The following DMBT1 variants were observed in gnomAD, a reference collection of about 807,000 sequenced individuals.
DMBT1 encodes the protein scavenger receptor cysteine-rich domain-containing protein DMBT1.
A neutral mutation model predicts 252.9 loss-of-function variants in DMBT1; 198 were observed. The observed-to-expected ratio is 0.78, with a 90% CI of 0.70 to 0.88. The LOEUF (loss-of-function observed/expected upper bound fraction) is 0.88. DMBT1 is among the 40% of genes least tolerant of loss of function. DMBT1 has a pLI of 0.00. For synonymous variants in DMBT1, 990 were observed against 942.7 expected, an observed-to-expected ratio of 1.05 and a Z score of -0.92; for missense variants, 2,432 against 2,404.7, an observed-to-expected ratio of 1.01 and a Z score of -0.24.
chr10:122,575,731 C>G (rs180921576), intron 6 of DMBT1, among the ~76,000 whole-genome samples: 49 of 152,322 alleles, frequency 3.2e-4, no homozygotes, highest in Non-Finnish European at 5.7e-4. Flanking sequence ...TGTGAGTACA[C>G]AGTGACCTTC....
At chr10:122,573,973 C>T (rs760074122) in intron 6 of DMBT1, among the ~76,000 whole-genome samples, 10 of 152,156 alleles carry the variant, frequency 6.6e-5, no homozygotes, top group Non-Finnish European at 1.3e-4. Context: ...GACGCGTCTC[C>T]AAGGAGTTCT....
In DMBT1 at chr10:122,572,339, C is replaced by T. The variant is rs368952924; in HGVS notation, c.213C>T (p.Thr71=). 3.7e-6 allele frequency: 6 copies of T among 1,613,000 alleles called. No homozygotes were observed. In the African/African-American group the frequency reaches 8.0e-5, roughly 22 times the overall value. ...AEGSPISLES[T]LESTVAEGSL... ...GTTCTCCGATTTCCTTGGAGTCAAC[C>T]CTGGAGTCAACCGTAGCAGAAGGTA... The change falls in exon 5 of 56, where the codon ACC becomes ACT. Residue 71 remains threonine (T), a synonymous_variant. Coordinates refer to ENST00000338354, the MANE Select transcript of DMBT1 (RefSeq NM_001377530.1).
intron 2 of DMBT1, among the ~76,000 whole-genome samples, chr10:122,566,340 T>G: frequency 1.7e-5 from 1 of 57,356 alleles, no homozygotes; most frequent in Admixed American, 2.4e-4. Context: ...TGAGATGGAG[T>G]CTTGCTCTGT....
chr10:122,599,012 C>G lies in DMBT1; in HGVS notation c.3195C>G (p.His1065Gln), dbSNP rs572813390. The stretch of plus-strand genomic sequence containing the variant: ...TGGATGATGTGCGCTGCTCAGGACA[C>G]GAGTCTTACCTGTGGAGCTGCCCCC... The part of the protein sequence containing the change: ...IVLDDVRCSG[H>Q]ESYLWSCPHN... Residue 1065 changes from histidine to glutamine, a missense_variant, in exon 26 of 56, where the codon CAC becomes CAG. Transcript: ENST00000338354. The G allele has an allele frequency of 1.4e-5, 23 of 1,613,786 alleles. No homozygotes were observed. In the South Asian group the frequency reaches 2.3e-4, roughly 16 times the overall value.
intron 26 of DMBT1, among the ~76,000 whole-genome samples, chr10:122,599,766 C>T (rs544153003): frequency 6.6e-6 from 1 of 152,296 alleles, no homozygotes; most frequent in South Asian, 2.1e-4. Flanking sequence ...GTGGCTTCCT[C>T]AGCCTTGCTG....
At chr10:122,585,705 A>C (rs1372782152) in intron 15 of DMBT1, among the ~76,000 whole-genome samples, 1 of 148,668 alleles carries the variant, frequency 6.7e-6, no homozygotes, top group Non-Finnish European at 1.5e-5. Flanking sequence ...TGAAATTTTC[A>C]GAAGCCAGAC....
chr10:122,577,294 G>A (rs1357610836), intron 7 of DMBT1, among the ~76,000 whole-genome samples: 1 of 152,166 alleles, frequency 6.6e-6, no homozygotes, highest in Non-Finnish European at 1.5e-5. Flanking sequence ...CCAGAGGGAA[G>A]GATGCAATTG....
At position 122,618,010 on chromosome 10, in the gene DMBT1, C is replaced by A; in HGVS notation, c.4892-7C>A. 1 of 1,612,276 alleles carries A rather than the reference C, an allele frequency of 6.2e-7. No individual in the cohort carries two copies. Among genetic ancestry groups the A allele is most frequent in the Non-Finnish European group, 8.5e-7 (1 of 1,179,716 alleles). On this transcript the variant is annotated splice_region_variant and splice_polypyrimidine_tract_variant and intron_variant, in intron 40 of 55. Transcript: ENST00000338354. Reference sequence around the variant, plus strand: ...GATGGATGAAGGGTTCTTGTGTTCCCCTGTAGGATCTGAATCCACTTTGGC... The same window carrying A: ...GATGGATGAAGGGTTCTTGTGTTCCACTGTAGGATCTGAATCCACTTTGGC...
intron 7 of DMBT1, 67 bp from the exon 8 acceptor site, chr10:122,577,744 T>C: frequency 6.3e-7 from 1 of 1,591,170 alleles, no homozygotes; most frequent in Non-Finnish European, 8.6e-7. Context: ...CCCAAGTCAC[T>C]TCAGCCTTAA....
At chr10:122,638,510 T>G (rs563615832) in intron 54 of DMBT1, among the ~76,000 whole-genome samples, 1 of 152,220 alleles carries the variant, frequency 6.6e-6, no homozygotes, top group Non-Finnish European at 1.5e-5. Context: ...GGGTGCATCA[T>G]AGCTCACAGC....
At chr10:122,571,148 T>C (rs932245323) in intron 4 of DMBT1, among the ~76,000 whole-genome samples, 1 of 152,248 alleles carries the variant, frequency 6.6e-6, no homozygotes, top group Non-Finnish European at 1.5e-5. Context: ...GTGTGTGCTC[T>C]GCATTTTACT....
intron 5 of DMBT1, among the ~76,000 whole-genome samples, chr10:122,572,601 C>A (rs959820552): frequency 1.3e-5 from 2 of 152,126 alleles, no homozygotes; most frequent in African/African-American, 4.8e-5. Context: ...TAAGTGATGT[C>A]TTCATTGATG....
intron 18 of DMBT1, 128 bp from the exon 19 acceptor site, chr10:122,591,351 G>GGGGAGCAAGTGGCA: frequency 9.1e-7 from 1 of 1,104,498 alleles, no homozygotes; most frequent in Admixed American, 1.7e-5. Context: ...GCAGACACAT[G>GGGGAGCAAGTGGCA]GGGAGCAAGT....
Position 122,598,831 on chromosome 10 carries a change from G to C in DMBT1, c.3014G>C (p.Arg1005Pro). The part of the protein sequence containing the change: ...LVNGGDRCQG[R>P]VEVLYQGSWG... The stretch of plus-strand genomic sequence containing the variant: ...AATGGAGGTGACAGGTGTCAGGGCC[G>C]AGTGGAGGTCCTATACCAAGGCTCC... Residue 1005 changes from arginine to proline, a missense_variant, in exon 26 of 56, where the codon CGA becomes CCA. Arg to Pro is a moderately radical substitution (Grantham distance 103). Transcript: ENST00000338354. 6.2e-7 allele frequency: 1 copy of C among 1,613,638 alleles called. No individual in the cohort carries two copies. Among genetic ancestry groups the C allele is most frequent in the South Asian group, 1.1e-5 (1 of 91,060 alleles).
intron 26 of DMBT1, among the ~76,000 whole-genome samples, chr10:122,599,402 G>A (rs2097917604): frequency 6.6e-6 from 1 of 152,202 alleles, no homozygotes; most frequent in South Asian, 2.1e-4. Context: ...GAGTAGCACG[G>A]TGTGAGGGTA....
intron 6 of DMBT1, 115 bp downstream of exon 6, chr10:122,573,877 G>A (rs1365951732): frequency 4.5e-6 from 6 of 1,321,544 alleles, no homozygotes; most frequent in South Asian, 3.7e-5. Flanking sequence ...TAGCTCCCAC[G>A]AGGGGCCCTT....
intron 50 of DMBT1, 23 bp downstream of exon 50, chr10:122,631,898 C>A (rs1357799646): frequency 1.2e-6 from 2 of 1,613,030 alleles, no homozygotes; most frequent in South Asian, 2.2e-5. Context: ...GATTTCCATT[C>A]CACTTCCCTG....
chr10:122,570,054 C>A, intron 2 of DMBT1, 108 bp from the exon 3 acceptor site: 1 of 1,011,886 alleles, frequency 9.9e-7, no homozygotes, highest in South Asian at 1.3e-5. Context: ...ATGGAGGGTG[C>A]CCTTAGGCCC....
chr10:122,566,105 C>A, intron 2 of DMBT1, 109 bp downstream of exon 2: 1 of 1,199,904 alleles, frequency 8.3e-7, no homozygotes, highest in Non-Finnish European at 1.2e-6. Flanking sequence ...CAAACGCCTG[C>A]CTTGTCGAAT....
Sources: gnomAD v4.1 joint callset for allele counts (sites outside exome capture counted in the v4.1 genomes callset) on GRCh38, gnomAD v4.1.1 for gene constraint, MANE v1.5 for transcripts, NCBI Gene and HGNC (gene_info 2026-07-23, HGNC 2026-07-21) for gene names.